Variants in IKZF1 observed in about 807,000 individuals in gnomAD.
IKZF1 encodes DNA-binding protein Ikaros.
IKZF1 carries 10 observed loss-of-function variants against 51.7 expected under a neutral mutation model. That is an observed-to-expected ratio of 0.19 (90% CI 0.12 to 0.33). IKZF1 has a LOEUF of 0.33. Among genes scored for constraint, IKZF1 ranks in the 10% least tolerant of loss-of-function variants. IKZF1 has a pLI of 1.00. For missense variants in IKZF1, 484 were observed against 707.5 expected (o/e 0.68, Z 3.58); for synonymous variants, 280 against 282.3 (o/e 0.99, Z 0.08).
At chr7:50,379,188 G>A (rs779907087) in intron 4 of IKZF1, among the ~76,000 whole-genome samples, 3 of 152,202 alleles carry the variant, frequency 2.0e-5, no homozygotes, top group East Asian at 1.9e-4. Flanking sequence ...CAGGCAGCAG[G>A]GCAGTGCAGC....
intron 3 of IKZF1, among the ~76,000 whole-genome samples, chr7:50,341,271 G>A (rs1304128643): frequency 1.3e-5 from 2 of 150,898 alleles, no homozygotes; most frequent in Non-Finnish European, 2.9e-5. Flanking sequence ...AGCCTCCCAA[G>A]CAGCTGGGAT....
intron 1 of IKZF1, among the ~76,000 whole-genome samples, chr7:50,310,061 T>C (rs538452574): frequency 4.0e-4 from 61 of 152,314 alleles, no homozygotes; most frequent in South Asian, 1.4e-3. Context: ...CAAAAACATA[T>C]TGATAAATCG....
intron 3 of IKZF1, among the ~76,000 whole-genome samples, chr7:50,332,522 T>C (rs1796635864): frequency 6.6e-6 from 1 of 151,984 alleles, no homozygotes; most frequent in Admixed American, 6.5e-5. Context: ...AGAAGAAAGA[T>C]TGCAGGCTAG....
intron 2 of IKZF1, among the ~76,000 whole-genome samples, chr7:50,326,620 T>C (rs1193432791): frequency 6.6e-6 from 1 of 152,192 alleles, no homozygotes; most frequent in Admixed American, 6.5e-5. Flanking sequence ...TTTGGTCAAA[T>C]ATAATTCTAA....
intron 6 of IKZF1, among the ~76,000 whole-genome samples, chr7:50,390,480 A>G (rs1207562154): frequency 2.0e-5 from 3 of 152,256 alleles, no homozygotes; most frequent in Non-Finnish European, 4.4e-5. Flanking sequence ...ACAATAGCCA[A>G]TTTGAAATAT....
At chr7:50,320,965 G>C (rs749754469) in intron 2 of IKZF1, among the ~76,000 whole-genome samples, 1 of 152,208 alleles carries the variant, frequency 6.6e-6, no homozygotes, top group Non-Finnish European at 1.5e-5. Flanking sequence ...GAATGAACTA[G>C]TATGAAAAGA....
chr7:50,389,069 G>A (rs1814253366), intron 6 of IKZF1, among the ~76,000 whole-genome samples: 1 of 152,212 alleles, frequency 6.6e-6, no homozygotes, highest in South Asian at 2.1e-4. Flanking sequence ...GCAGTACACA[G>A]CCGGCTGAGA....
chr7:50,400,604 G>A lies in IKZF1; in HGVS notation c.1537G>A (p.Glu513Lys). ...GTTCTCGTCGCACATAACGCGAGGG[G>A]AGCACCGCTTCCACATGAGCTAAAG... is the stretch of plus-strand genomic sequence containing the variant. ...YEFSSHITRG[E>K]HRFHMS is the part of the protein sequence containing the mutation. The change falls in exon 8 of 8, where the codon GAG becomes AAG. Residue 513 changes from glutamate (E) to lysine (K), a missense_variant. Around this residue, in one of 6 missense-constraint regions of IKZF1, gnomAD observed 42 missense variants for 84.4 expected, o/e 0.50. Transcript: ENST00000331340. This position sits in a 1 kb window ranked among gnomAD's most constrained non-coding sequence, Gnocchi z 5.4. 6.2e-7 allele frequency: 1 copy of A among 1,611,212 alleles called. No homozygotes were observed. The highest frequency in any genetic ancestry group is 8.5e-7 in the Non-Finnish European group (1 of 1,179,844).
intron 1 of IKZF1, among the ~76,000 whole-genome samples, chr7:50,317,588 T>C (rs1198784531): frequency 6.6e-6 from 1 of 152,150 alleles, no homozygotes; most frequent in Non-Finnish European, 1.5e-5. Flanking sequence ...TTCTGTACAG[T>C]GGCCACTAGC....
At chr7:50,326,229 G>C (rs940851146) in intron 2 of IKZF1, among the ~76,000 whole-genome samples, 9 of 152,194 alleles carry the variant, frequency 5.9e-5, no homozygotes, top group Non-Finnish European at 8.8e-5. Context: ...ACAATACCTA[G>C]TCATGTTTTT....
rs1197578319 is a variant in IKZF1, at chr7:50,376,597, G to A, written c.225G>A (p.Gly75=). 1 of 1,613,980 alleles carries A rather than the reference G, an allele frequency of 6.2e-7. No individual in the cohort carries two copies. ...ATGGGCGTGCCTGTGAAATGAATGG[G>A]GAAGAATGTGCGGAGGATTTACGAA... is the stretch of plus-strand genomic sequence containing the variant. The part of the protein sequence containing the change: ...EENGRACEMN[G]EECAEDLRML... The change falls in exon 4 of 8, where the codon GGG becomes GGA. Residue 75 remains glycine, a synonymous_variant. Coordinates refer to ENST00000331340, the MANE Select transcript of IKZF1 (RefSeq NM_006060.6). This position sits in a 1 kb window ranked among gnomAD's most constrained non-coding sequence, Gnocchi z 4.5.
At chr7:50,310,424 G>A (rs192354004) in intron 1 of IKZF1, among the ~76,000 whole-genome samples, 5 of 152,266 alleles carry the variant, frequency 3.3e-5, no homozygotes, top group African/African-American at 9.6e-5. Context: ...AGCATTTTCT[G>A]TCAGGTTATA....
At chr7:50,370,294 G>T (rs1308957878) in intron 3 of IKZF1, among the ~76,000 whole-genome samples, 2 of 152,234 alleles carry the variant, frequency 1.3e-5, no homozygotes, top group Non-Finnish European at 2.9e-5. Flanking sequence ...AAAGGGAAAT[G>T]AAGAGGAAGC....
chr7:50,387,287 C>T (rs1813659865), intron 5 of IKZF1, 58 bp from the exon 6 acceptor site: 10 of 1,581,784 alleles, frequency 6.3e-6, no homozygotes, highest in Non-Finnish European at 8.6e-6. Flanking sequence ...CATGCATTCC[C>T]CTTACACAGA....
intron 3 of IKZF1, among the ~76,000 whole-genome samples, chr7:50,359,154 G>A (rs1275990603): frequency 6.6e-6 from 1 of 152,126 alleles, no homozygotes; most frequent in Non-Finnish European, 1.5e-5. Context: ...CCAGGCACTC[G>A]GGAGGCTGAG....
chr7:50,398,264 G>T (rs1298258741), intron 7 of IKZF1, among the ~76,000 whole-genome samples: 5 of 152,128 alleles, frequency 3.3e-5, no homozygotes, highest in Non-Finnish European at 7.3e-5. Context: ...GAATGAGAAG[G>T]CCACTTCTTC....
In IKZF1 at chr7:50,322,399, C is replaced by CT. The variant is rs144722078; in HGVS notation, c.40+3305dup. Among the ~76,000 whole-genome samples, 478 of 152,222 alleles carry CT rather than the reference C, an allele frequency of 3.1e-3. 4 individuals are homozygous for CT. Among genetic ancestry groups the CT allele is most frequent in the African/African-American group, 0.01 (422 of 41,552 alleles). On this transcript the variant is annotated intron_variant, in intron 2 of 7. Coordinates refer to ENST00000331340, the MANE Select transcript of IKZF1 (RefSeq NM_006060.6). ...AAACAGATAAATACTTAATATCTGG[C>CT]TTTTTTTCAAAGCACTGGGTTATTT...
chr7:50,387,541 G>A (rs2153488698), intron 6 of IKZF1, 71 bp downstream of exon 6: 2 of 1,517,548 alleles, frequency 1.3e-6, no homozygotes, highest in Non-Finnish European at 1.8e-6. Context: ...AGGGCGCTCT[G>A]CATGCAGCCT....
intron 3 of IKZF1, among the ~76,000 whole-genome samples, chr7:50,350,168 A>T (rs375305446): frequency 6.6e-6 from 1 of 152,148 alleles, no homozygotes. Flanking sequence ...CCGGCTGCCC[A>T]CTCTCTGACC....
Sources: allele counts gnomAD v4.1 joint callset (sites outside exome capture counted in the v4.1 genomes callset), GRCh38; gene constraint gnomAD v4.1.1; regional missense constraint gnomAD v4.1.1; non-coding constraint Gnocchi (gnomAD v3.1); transcripts MANE v1.5; gene names NCBI Gene and HGNC (gene_info 2026-07-23, HGNC 2026-07-21).